The following SAMHD1 variants were observed in gnomAD, a reference collection of about 807,000 sequenced individuals.
The protein encoded by SAMHD1 is deoxynucleoside triphosphate triphosphohydrolase SAMHD1.
In SAMHD1, 54 loss-of-function variants were observed where a neutral mutation model predicts 79.6. The observed-to-expected ratio is 0.68, with a 90% CI of 0.55 to 0.85. SAMHD1 has a LOEUF of 0.85. Ranked by LOEUF, SAMHD1 falls within the 40% of genes least tolerant of loss-of-function variation. SAMHD1 has a pLI of 0.00. For synonymous variants in SAMHD1, 260 were observed against 264.1 expected (o/e 0.98, Z 0.15); for missense variants, 663 against 782.7 (o/e 0.85, Z 1.82).
rs542616810 is a variant in SAMHD1 at position 36,900,284 on chromosome 20, T to G, written c.1504-1740A>C. 3.3e-5 allele frequency among the ~76,000 whole-genome samples: 5 copies of G among 152,174 alleles called. No individual in the cohort carries two copies. In the East Asian group the frequency reaches 9.7e-4, roughly 29 times the overall value. ...TTTTTGACACAGAGCCTTGCTCTGT[T>G]GCCCAGGCTGGACTGCAGTGGCACA... On this transcript the variant is annotated intron_variant, in intron 13 of 15. Transcript: ENST00000646673.
At chr20:36,932,537 C>G (rs1334931899) in intron 4 of SAMHD1, among the ~76,000 whole-genome samples, 1 of 146,548 alleles carries the variant, frequency 6.8e-6, no homozygotes, top group Admixed American at 6.9e-5. Flanking sequence ...CTCACTGCAA[C>G]CTCAGGAGTA....
intron 1 of SAMHD1, 113 bp downstream of exon 1, chr20:36,951,323 C>A: frequency 6.7e-7 from 1 of 1,486,504 alleles, no homozygotes; most frequent in Non-Finnish European, 9.1e-7. Context: ...GTGCCTCCCG[C>A]CGCAGGGCTC....
intron 13 of SAMHD1, among the ~76,000 whole-genome samples, chr20:36,902,120 TG>T (rs1380364254): frequency 6.6e-6 from 1 of 151,962 alleles, no homozygotes; most frequent in Non-Finnish European, 1.5e-5. Flanking sequence ...CAGCTGGAGG[TG>T]GGAAGCATGG....
intron 2 of SAMHD1, among the ~76,000 whole-genome samples, chr20:36,942,970 T>TA (rs753860116): frequency 6.6e-6 from 1 of 151,990 alleles, no homozygotes; most frequent in African/African-American, 2.4e-5. Flanking sequence ...TCTTACTTGT[T>TA]AAAAAAACCT....
Position 36,919,363 on chromosome 20 carries a change from C to T in SAMHD1, c.852+1G>A, listed in dbSNP as rs780504624. The T allele has an allele frequency of 6.2e-7, 1 of 1,613,150 alleles. No individual in the cohort carries two copies. The highest frequency in any genetic ancestry group is 8.5e-7 in the Non-Finnish European group (1 of 1,179,486). The stretch of plus-strand genomic sequence containing the variant: ...TAAAATTAAGCTGTACATAAACTTA[C>T]CAATGAATCTTCGACAGGTGATTCA... On this transcript the variant is annotated splice_donor_variant, in intron 7 of 15. Coordinates refer to ENST00000646673, the MANE Select transcript of SAMHD1 (RefSeq NM_015474.4). LOFTEE classifies it high-confidence loss of function.
At chr20:36,947,310 GGTGTGTGTGTGTGTGTGTGTGTGT>G (rs35061251) in intron 1 of SAMHD1, among the ~76,000 whole-genome samples, 1 of 85,092 alleles carries the variant, frequency 1.2e-5, no homozygotes, top group Non-Finnish European at 2.3e-5. Context: ...ATTTGGAAGA[GGTGTGTGTGTGTGTGTGTGTGTGT>G]GTGTGTGTGT....
chr20:36,935,203 T>TTTAATTAATA lies in SAMHD1; in HGVS notation c.349-24_349-15dup. 1 of 1,605,172 alleles carries TTTAATTAATA rather than the reference T, an allele frequency of 6.2e-7. No individual in the cohort carries two copies. Among genetic ancestry groups the TTTAATTAATA allele is most frequent in the South Asian group, 1.1e-5 (1 of 90,890 alleles). Reference sequence around the variant, plus strand: ...ATCATTAATTACCTAGAAAATTATGTTTAATTAATACAAATAACGACATGT... The same window carrying TTTAATTAATA: ...ATCATTAATTACCTAGAAAATTATGTTTAATTAATATTAATTAATACAAATAACGACATGT... On this transcript the variant is annotated splice_polypyrimidine_tract_variant and intron_variant, in intron 3 of 15. Coordinates refer to ENST00000646673, the MANE Select transcript of SAMHD1 (RefSeq NM_015474.4).
chr20:36,932,697 G>A (rs2063575942), intron 4 of SAMHD1, among the ~76,000 whole-genome samples: 1 of 151,636 alleles, frequency 6.6e-6, no homozygotes, highest in Admixed American at 6.6e-5. Context: ...GATTCCAGGT[G>A]TGAGCCACTG....
chr20:36,918,801 C>CAAA (rs60403097), intron 7 of SAMHD1, among the ~76,000 whole-genome samples: 257 of 64,980 alleles, frequency 4.0e-3, no homozygotes, highest in South Asian at 6.0e-3. Context: ...GACTCTATCT[C>CAAA]AAAAAAAAAA....
intron 1 of SAMHD1, among the ~76,000 whole-genome samples, chr20:36,951,205 CGGGAGCCCCATGCCGCAGGCCCTCCT>C (rs963515969): frequency 2.6e-5 from 4 of 152,216 alleles, no homozygotes; most frequent in African/African-American, 9.6e-5. Context: ...GAGTCAGTCC[CGGGAGCCCCATGCCGCAGGCCCTCCT>C]GGGAACCCCC....
chr20:36,926,146 T>C lies in SAMHD1; in HGVS notation c.696+1036A>G, dbSNP rs534861088. ...TGTACGATAATATGCACGACAACCT[T>C]ATTTATAACAACCAAAACCTGAAAA... On this transcript the variant is annotated intron_variant, in intron 6 of 15. Coordinates refer to ENST00000646673, the MANE Select transcript of SAMHD1 (RefSeq NM_015474.4). Among the ~76,000 whole-genome samples, 14 of 152,204 alleles carry C rather than the reference T, an allele frequency of 9.2e-5. No homozygotes were observed. In the East Asian group the frequency reaches 2.7e-3, roughly 29 times the overall value.
intron 2 of SAMHD1, among the ~76,000 whole-genome samples, chr20:36,945,094 G>A (rs1298479691): frequency 2.6e-5 from 4 of 152,096 alleles, no homozygotes; most frequent in African/African-American, 7.2e-5. Context: ...TGGAGTGCAG[G>A]AGCTTATCAT....
chr20:36,897,222 G>A (rs935385631), intron 15 of SAMHD1, among the ~76,000 whole-genome samples: 1 of 152,172 alleles, frequency 6.6e-6, no homozygotes, highest in Admixed American at 6.5e-5. Flanking sequence ...AGGCAGTAAA[G>A]CACTGTTGCC....
chr20:36,921,506 GAATT>G (rs1444692891), intron 6 of SAMHD1, among the ~76,000 whole-genome samples: 1 of 151,170 alleles, frequency 6.6e-6, no homozygotes, highest in Non-Finnish European at 1.5e-5. Context: ...CAAGTAAGCA[GAATT>G]AATATCATTG....
intron 2 of SAMHD1, among the ~76,000 whole-genome samples, chr20:36,945,559 G>A (rs1364358129): frequency 1.3e-5 from 2 of 152,098 alleles, no homozygotes; most frequent in Non-Finnish European, 2.9e-5. Flanking sequence ...CTACAAACTT[G>A]ATGAAGATTT....
At position 36,898,438 on chromosome 20, in the gene SAMHD1, A is replaced by ACCTGGTTT; in HGVS notation, c.1602_1608+1dup. ...GTATATTTGTTTTGCCTAAGTAGTT[A>ACCTGGTTT]CCTGGTTTTTAGTAATCCTGATTGC... On this transcript the variant is annotated splice_donor_variant, in intron 14 of 15. Coordinates refer to ENST00000646673, the MANE Select transcript of SAMHD1 (RefSeq NM_015474.4). LOFTEE classifies it high-confidence loss of function. The ACCTGGTTT allele has an allele frequency of 6.2e-7, 1 of 1,604,828 alleles. No homozygotes were observed. Among genetic ancestry groups the ACCTGGTTT allele is most frequent in the Non-Finnish European group, 8.5e-7 (1 of 1,171,648 alleles).
intron 6 of SAMHD1, among the ~76,000 whole-genome samples, chr20:36,921,475 T>C (rs931144750): frequency 6.8e-6 from 1 of 147,642 alleles, no homozygotes; most frequent in Non-Finnish European, 1.5e-5. Flanking sequence ...AATGGAGAGA[T>C]TTGACAGACA....
intron 13 of SAMHD1, among the ~76,000 whole-genome samples, chr20:36,903,273 T>C (rs2063385489): frequency 6.6e-6 from 1 of 152,116 alleles, no homozygotes; most frequent in Non-Finnish European, 1.5e-5. Flanking sequence ...GCTGTCTCGC[T>C]CTGTTGCCCA....
chr20:36,942,833 T>C (rs1413021447), intron 2 of SAMHD1, among the ~76,000 whole-genome samples: 1 of 152,002 alleles, frequency 6.6e-6, no homozygotes, highest in South Asian at 2.1e-4. Context: ...TGTTTTTGTA[T>C]TTTTAGTAGA....
Sources: gnomAD v4.1 joint callset for allele counts (sites outside exome capture counted in the v4.1 genomes callset) on GRCh38, gnomAD v4.1.1 for gene constraint, MANE v1.5 for transcripts, NCBI Gene and HGNC (gene_info 2026-07-23, HGNC 2026-07-21) for gene names.